Variants in SLC1A1 observed in about 807,000 individuals in gnomAD.
SLC1A1 encodes the protein solute carrier family 1 member 1.
Under a neutral mutation model 53.3 loss-of-function variants are expected in SLC1A1, and 43 were observed. That is an observed-to-expected ratio of 0.81 (90% CI 0.63 to 1.04). SLC1A1 has a LOEUF of 1.04. Ranked by LOEUF, SLC1A1 falls within the 50% of genes least tolerant of loss-of-function variation. SLC1A1 has a pLI of 0.00. For synonymous variants in SLC1A1, 307 were observed against 243.2 expected (o/e 1.26, Z -2.44); for missense variants, 748 against 664.9 (o/e 1.12, Z -1.37).
chr9:4,567,725 A>AACT lies in SLC1A1; in HGVS notation c.540_541insACT (p.Thr180dup). The AACT allele has an allele frequency of 6.2e-7, 1 of 1,613,384 alleles. No individual in the cohort carries two copies. Among genetic ancestry groups the AACT allele is most frequent in the Non-Finnish European group, 8.5e-7 (1 of 1,179,438 alleles). ...CCAGCGATCCAGAGATGAACATGAC[A>AACT]GAAGAGTCCTTCACAGCTGTCATGA... is the stretch of plus-strand genomic sequence containing the variant. On this transcript the variant is annotated inframe_insertion, in exon 6 of 12. Coordinates refer to ENST00000262352, the MANE Select transcript of SLC1A1 (RefSeq NM_004170.6).
intron 1 of SLC1A1, among the ~76,000 whole-genome samples, chr9:4,495,122 T>C (rs1362803527): frequency 6.6e-6 from 1 of 152,218 alleles, no homozygotes; most frequent in Admixed American, 6.5e-5. Context: ...TCATGTAGCG[T>C]GCATCTGGCA....
chr9:4,539,242 A>C (rs545782802), intron 1 of SLC1A1, among the ~76,000 whole-genome samples: 2 of 152,246 alleles, frequency 1.3e-5, no homozygotes, highest in Non-Finnish European at 2.9e-5. Context: ...GTGTGTGTGC[A>C]TAAGAACAAA....
chr9:4,576,344 T>C (rs1234358700), intron 9 of SLC1A1, among the ~76,000 whole-genome samples: 10 of 152,270 alleles, frequency 6.6e-5, no homozygotes, highest in Admixed American at 6.5e-4. Flanking sequence ...ATGGAATAAC[T>C]GGGAGCAGTG....
intron 4 of SLC1A1, among the ~76,000 whole-genome samples, 169 bp downstream of exon 4, chr9:4,564,627 T>C (rs1433148822): frequency 6.6e-6 from 1 of 152,232 alleles, no homozygotes; most frequent in African/African-American, 2.4e-5. Context: ...CAGTACTGTT[T>C]GCCAAGTCTT....
chr9:4,525,140 A>G (rs548101799), intron 1 of SLC1A1, among the ~76,000 whole-genome samples: 1 of 152,336 alleles, frequency 6.6e-6, no homozygotes, highest in South Asian at 2.1e-4. Context: ...AAACCTTGAC[A>G]TAAAGTCTGG....
chr9:4,545,325 A>G (rs983739708), intron 2 of SLC1A1, among the ~76,000 whole-genome samples: 4 of 152,000 alleles, frequency 2.6e-5, no homozygotes, highest in Non-Finnish European at 4.4e-5. Context: ...TCTGTCCACC[A>G]CTGCTCAAAT....
intron 6 of SLC1A1, among the ~76,000 whole-genome samples, chr9:4,568,502 C>T (rs1042833259): frequency 5.9e-5 from 9 of 151,796 alleles, no homozygotes; most frequent in Admixed American, 4.6e-4. Flanking sequence ...AGGTGGATCG[C>T]TTGAAACCAG....
intron 8 of SLC1A1, among the ~76,000 whole-genome samples, chr9:4,574,731 A>G (rs1192686245): frequency 6.6e-6 from 1 of 152,222 alleles, no homozygotes; most frequent in East Asian, 1.9e-4. Context: ...TAAGAAATAC[A>G]GACTAAGGGA....
At chr9:4,493,164 T>G (rs1820297024) in intron 1 of SLC1A1, among the ~76,000 whole-genome samples, 1 of 152,222 alleles carries the variant, frequency 6.6e-6, no homozygotes, top group Non-Finnish European at 1.5e-5. Flanking sequence ...AAAAATCAAG[T>G]GCCCAGCTGA....
chr9:4,524,884 C>T (rs543916184), intron 1 of SLC1A1, among the ~76,000 whole-genome samples: 51 of 152,198 alleles, frequency 3.4e-4, no homozygotes, highest in Non-Finnish European at 6.8e-4. Context: ...AGTGAGAACT[C>T]GCTACTGCAA....
chr9:4,524,207 A>G (rs1218920345), intron 1 of SLC1A1, among the ~76,000 whole-genome samples: 3 of 152,350 alleles, frequency 2.0e-5, no homozygotes, highest in East Asian at 1.9e-4. Flanking sequence ...GATTGTTCCT[A>G]TACATTGTGG....
chr9:4,565,893 G>A (rs929767869), intron 4 of SLC1A1, among the ~76,000 whole-genome samples, 154 bp from the exon 5 acceptor site: 3 of 152,122 alleles, frequency 2.0e-5, no homozygotes, highest in Admixed American at 2.0e-4. Context: ...CAGGAAAAAA[G>A]AAATCTCAAT....
At position 4,550,000 on chromosome 9, in the gene SLC1A1, A is replaced by G. The variant is rs1817796240; in HGVS notation, c.232+5293A>G. Among the ~76,000 whole-genome samples, 1 of 152,202 alleles carries G rather than the reference A, an allele frequency of 6.6e-6. No homozygotes were observed. The highest frequency in any genetic ancestry group is 1.5e-5 in the Non-Finnish European group (1 of 68,032). ...ACACAGCTCCTCAAGAAACAGCACCAGTTTGCAGCTCAGTGGATGTCAAGC... is the reference window on the plus strand; with the variant it reads ...ACACAGCTCCTCAAGAAACAGCACCGGTTTGCAGCTCAGTGGATGTCAAGC... On this transcript the variant is annotated intron_variant, in intron 2 of 11. Coordinates refer to ENST00000262352, the MANE Select transcript of SLC1A1 (RefSeq NM_004170.6). The surrounding 1 kb of genome is among the most constrained non-coding windows in gnomAD (Gnocchi z 4.1).
At chr9:4,508,512 A>C (rs1352391778) in intron 1 of SLC1A1, among the ~76,000 whole-genome samples, 2 of 152,188 alleles carry the variant, frequency 1.3e-5, no homozygotes, top group Admixed American at 6.5e-5. Context: ...CATCCCCAGG[A>C]GGCATCCCCA....
intron 4 of SLC1A1, among the ~76,000 whole-genome samples, chr9:4,565,332 C>G (rs1819378173): frequency 6.6e-6 from 1 of 152,098 alleles, no homozygotes; most frequent in Admixed American, 6.6e-5. Context: ...AAAATGAACC[C>G]TTGGTAAGTG....
chr9:4,491,178 G>C (rs1439807010), intron 1 of SLC1A1, among the ~76,000 whole-genome samples: 1 of 152,220 alleles, frequency 6.6e-6, no homozygotes, highest in East Asian at 1.9e-4. Flanking sequence ...CGCTGCGCGG[G>C]CAGAGATTGA....
chr9:4,568,557 C>T (rs961802639), intron 6 of SLC1A1, among the ~76,000 whole-genome samples: 1 of 151,800 alleles, frequency 6.6e-6, no homozygotes, highest in Non-Finnish European at 1.5e-5. Context: ...CCCATATGCA[C>T]AAAACATTTT....
intron 2 of SLC1A1, among the ~76,000 whole-genome samples, chr9:4,552,785 A>T (rs1260120542): frequency 6.6e-6 from 1 of 151,190 alleles, no homozygotes; most frequent in Non-Finnish European, 1.5e-5. Context: ...GGATAATAAT[A>T]ATGTTTCATA....
At chr9:4,575,927 A>C in intron 8 of SLC1A1, 74 bp from the exon 9 acceptor site, 1 of 1,533,780 alleles carries the variant, frequency 6.5e-7, no homozygotes, top group Non-Finnish European at 9.0e-7. Context: ...AATTAAAAAG[A>C]TGTTTGATAA....
Sources: allele counts gnomAD v4.1 joint callset (sites outside exome capture counted in the v4.1 genomes callset), GRCh38; gene constraint gnomAD v4.1.1; non-coding constraint Gnocchi (gnomAD v3.1); transcripts MANE v1.5; gene names NCBI Gene and HGNC (gene_info 2026-07-23, HGNC 2026-07-21).